Variants in CTNNA2 observed in about 807,000 individuals in gnomAD.
The protein encoded by CTNNA2 is catenin alpha-2.
A neutral mutation model predicts 101.0 loss-of-function variants in CTNNA2; 42 were observed. That is an observed-to-expected ratio of 0.42 (90% CI 0.32 to 0.54). The LOEUF is 0.54. Among genes scored for constraint, CTNNA2 ranks in the 20% least tolerant of loss-of-function variants. The pLI is 0.14. For missense variants in CTNNA2, 871 were observed against 1,223.1 expected (o/e 0.71, Z 4.29); for synonymous variants, 450 against 456.4 (o/e 0.99, Z 0.18).
At chr2:79,453,547 G>A (rs1326825429) in intron 4 of CTNNA2, among the ~76,000 whole-genome samples, 1 of 152,086 alleles carries the variant, frequency 6.6e-6, no homozygotes, top group African/African-American at 2.4e-5. Context: ...CTCAAATCAA[G>A]TCACACATGA....
At chr2:79,923,759 G>T (rs1686833902) in intron 7 of CTNNA2, among the ~76,000 whole-genome samples, 1 of 152,090 alleles carries the variant, frequency 6.6e-6, no homozygotes, top group African/African-American at 2.4e-5. Flanking sequence ...CCCCCTCGCT[G>T]CTCAGCCTTT....
At chr2:79,223,087 G>A (rs574306576) in intron 2 of CTNNA2, among the ~76,000 whole-genome samples, 47 of 152,256 alleles carry the variant, frequency 3.1e-4, no homozygotes, top group Non-Finnish European at 2.4e-4. Flanking sequence ...TTGAGCCCAG[G>A]AGTTTTAGGT....
At chr2:79,285,304 T>A (rs1210763641) in intron 2 of CTNNA2, among the ~76,000 whole-genome samples, 3 of 150,496 alleles carry the variant, frequency 2.0e-5, no homozygotes, top group African/African-American at 4.9e-5. Context: ...AGCTTTTGAA[T>A]GTGTTTGCTC....
intron 1 of CTNNA2, among the ~76,000 whole-genome samples, chr2:79,193,259 T>A (rs1381527550): frequency 6.6e-6 from 1 of 152,196 alleles, no homozygotes; most frequent in East Asian, 1.9e-4. Context: ...TCATGCTCTT[T>A]ATACAGTCAC....
At chr2:80,366,749 A>G (rs9789733) in intron 7 of CTNNA2, among the ~76,000 whole-genome samples, 19,898 of 152,142 alleles carry the variant, frequency 0.13, 2,627 homozygotes, top group African/African-American at 0.34. Flanking sequence ...TATCTGAGAC[A>G]GGTCTCAGTT....
At chr2:80,576,343 T>C (rs1178115621) in intron 13 of CTNNA2, 1 of 149,592 alleles carries the variant, frequency 6.7e-6, no homozygotes, top group African/African-American at 2.5e-5. Context: ...CCTTTTCTGT[T>C]GGAGCAATCT....
chr2:79,739,449 A>G (rs1209813775), intron 2 of CTNNA2, among the ~76,000 whole-genome samples: 3 of 152,184 alleles, frequency 2.0e-5, no homozygotes, highest in African/African-American at 4.8e-5. Flanking sequence ...TTCTAGTAAC[A>G]TATTCTCAAT....
At chr2:79,306,618 T>G (rs1676254776) in intron 2 of CTNNA2, among the ~76,000 whole-genome samples, 1 of 152,226 alleles carries the variant, frequency 6.6e-6, no homozygotes, top group Admixed American at 6.5e-5. Flanking sequence ...GAAAGCAATA[T>G]TTTTGCCCCA....
chr2:79,213,422 G>A (rs1320368414), intron 2 of CTNNA2, among the ~76,000 whole-genome samples: 1 of 152,194 alleles, frequency 6.6e-6, no homozygotes, highest in Non-Finnish European at 1.5e-5. Context: ...TATAAATATT[G>A]ACGTTTAGTC....
intron 1 of CTNNA2, among the ~76,000 whole-genome samples, chr2:79,585,566 C>T (rs1676430540): frequency 6.6e-6 from 1 of 152,152 alleles, no homozygotes. Context: ...TACTCTGTCT[C>T]AGAGCTGGCC....
intron 3 of CTNNA2, among the ~76,000 whole-genome samples, chr2:79,748,344 C>A (rs1202122122): frequency 1.3e-5 from 2 of 152,188 alleles, no homozygotes; most frequent in Non-Finnish European, 2.9e-5. Context: ...TCATAGAAAT[C>A]TGTTTTCCAA....
chr2:80,602,143 G>A (rs1312841648), intron 15 of CTNNA2: 3 of 151,908 alleles, frequency 2.0e-5, no homozygotes, highest in East Asian at 3.9e-4. Flanking sequence ...CCCATGTTGC[G>A]ACTCCAGTAA....
chr2:80,033,187 A>C (rs1217539292), intron 7 of CTNNA2, among the ~76,000 whole-genome samples: 4 of 151,384 alleles, frequency 2.6e-5, no homozygotes, highest in South Asian at 2.1e-4. Flanking sequence ...AAAACCCCCC[A>C]AAAAAACAAC....
intron 7 of CTNNA2, among the ~76,000 whole-genome samples, chr2:79,997,471 G>T (rs1035902687): frequency 2.0e-5 from 3 of 152,146 alleles, no homozygotes; most frequent in East Asian, 3.9e-4. Flanking sequence ...AACAAACCCT[G>T]CAGGATTTTT....
intron 12 of CTNNA2, among the ~76,000 whole-genome samples, chr2:80,559,932 T>C (rs1205552194): frequency 2.2e-5 from 3 of 133,380 alleles, no homozygotes; most frequent in African/African-American, 5.7e-5. Flanking sequence ...GAATGGATTA[T>C]ATTGAAATGT....
intron 7 of CTNNA2, among the ~76,000 whole-genome samples, chr2:80,005,129 C>CT (rs575853462): frequency 1.5e-4 from 23 of 152,302 alleles, no homozygotes; most frequent in African/African-American, 5.5e-4. Context: ...ACAGGAAAGA[C>CT]TGAGAAGTGC....
intron 3 of CTNNA2, among the ~76,000 whole-genome samples, chr2:79,841,065 T>A (rs1443216786): frequency 6.6e-6 from 1 of 151,930 alleles, no homozygotes; most frequent in Non-Finnish European, 1.5e-5. Flanking sequence ...CACCGCGCCC[T>A]GCCGAGACTC....
intron 3 of CTNNA2, among the ~76,000 whole-genome samples, chr2:79,355,087 T>C (rs961986455): frequency 6.6e-6 from 1 of 152,176 alleles, no homozygotes; most frequent in Admixed American, 6.5e-5. Context: ...TGTTAATCTA[T>C]GTGTTCATTT....
At chr2:79,714,926 C>T (rs1685974714) in intron 2 of CTNNA2, among the ~76,000 whole-genome samples, 1 of 151,316 alleles carries the variant, frequency 6.6e-6, no homozygotes, top group Non-Finnish European at 1.5e-5. Context: ...CGCGGTAGCT[C>T]ACGCCTATAA....
Sources: gnomAD v4.1 joint callset for allele counts (sites outside exome capture counted in the v4.1 genomes callset) on GRCh38, gnomAD v4.1.1 for gene constraint, MANE v1.5 for transcripts, NCBI Gene and HGNC (gene_info 2026-07-23, HGNC 2026-07-21) for gene names.